Variants in SH3PXD2A observed in about 807,000 individuals in gnomAD.
SH3PXD2A encodes SH3 and PX domains 2A.
A neutral mutation model predicts 115.2 loss-of-function variants in SH3PXD2A; 32 were observed. The ratio of observed to expected loss-of-function variants is 0.28; its 90% CI spans 0.21 to 0.37. SH3PXD2A has a LOEUF of 0.37. Among genes scored for constraint, SH3PXD2A ranks in the 10% least tolerant of loss-of-function variants. SH3PXD2A has a pLI of 1.00. For synonymous variants in SH3PXD2A, 610 were observed against 629.1 expected (o/e 0.97, Z 0.45); for missense variants, 1,328 against 1,498.7 (o/e 0.89, Z 1.88).
At chr10:103,648,170 T>C (rs1449127620) in intron 8 of SH3PXD2A, among the ~76,000 whole-genome samples, 3 of 152,126 alleles carry the variant, frequency 2.0e-5, no homozygotes, top group African/African-American at 7.2e-5. Context: ...AGAAAGAGTA[T>C]GGAAAAACAG....
chr10:103,642,190 A>G (rs1033586817), intron 8 of SH3PXD2A, among the ~76,000 whole-genome samples: 6 of 151,848 alleles, frequency 4.0e-5, no homozygotes, highest in African/African-American at 1.5e-4. Context: ...TTTGCTAAGG[A>G]AACTTCAGAT....
chr10:103,723,127 G>C (rs1449294312), intron 5 of SH3PXD2A, among the ~76,000 whole-genome samples: 1 of 152,054 alleles, frequency 6.6e-6, no homozygotes, highest in African/African-American at 2.4e-5. Context: ...TCATCTTCAG[G>C]CTTTCTCCTC....
rs139961985 is a variant in SH3PXD2A at position 103,850,718 on chromosome 10, T to C, written c.72+4477A>G. 3.4e-3 allele frequency among the ~76,000 whole-genome samples: 512 copies of C among 152,300 alleles called. 1 individual carries two copies. The highest frequency in any genetic ancestry group is 9.9e-3 in the African/African-American group (411 of 41,550). Reference sequence around the variant, plus strand: ...CCTCTTGGAGGCTGGGTGTTTTCCATGGGGCGTGTAACCCACTTCCCCATC... The same window carrying C: ...CCTCTTGGAGGCTGGGTGTTTTCCACGGGGCGTGTAACCCACTTCCCCATC... On this transcript the variant is annotated intron_variant, in intron 1 of 14. Coordinates refer to ENST00000369774, the MANE Select transcript of SH3PXD2A (RefSeq NM_001394015.1).
intron 8 of SH3PXD2A, among the ~76,000 whole-genome samples, chr10:103,629,259 CGTG>C (rs1564848388): frequency 6.6e-6 from 1 of 152,066 alleles, no homozygotes; most frequent in Non-Finnish European, 1.5e-5. Flanking sequence ...CTGAGCAGCT[CGTG>C]GTGACAGGCA....
rs757932796 is a variant in SH3PXD2A at position 103,739,369 on chromosome 10, A to G, written c.230-3561T>C. Among the ~76,000 whole-genome samples, 44 of 152,198 alleles carry G rather than the reference A, an allele frequency of 2.9e-4. 1 individual carries two copies. Among genetic ancestry groups the G allele is most frequent in the Admixed American group, 2.0e-3 (31 of 15,286 alleles). ...TCCCAGCTGAGTTTTTGGAAGCCCA[A>G]TGGGGCTTCCCCCTTTCCCGCTGAA... On this transcript the variant is annotated intron_variant, in intron 3 of 14. Coordinates refer to ENST00000369774, the MANE Select transcript of SH3PXD2A (RefSeq NM_001394015.1).
At chr10:103,635,295 T>C (rs2036846988) in intron 8 of SH3PXD2A, among the ~76,000 whole-genome samples, 1 of 152,118 alleles carries the variant, frequency 6.6e-6, no homozygotes, top group Non-Finnish European at 1.5e-5. Flanking sequence ...GGAAGCAGGA[T>C]CTTTTGGGAG....
intron 1 of SH3PXD2A, among the ~76,000 whole-genome samples, chr10:103,843,002 T>G (rs1215018176): frequency 6.6e-6 from 1 of 152,082 alleles, no homozygotes; most frequent in Non-Finnish European, 1.5e-5. Flanking sequence ...AGATGAGAGG[T>G]CAGGGAAGCT....
chr10:103,688,023 C>T (rs7079298), intron 6 of SH3PXD2A, among the ~76,000 whole-genome samples: 95,647 of 151,906 alleles, frequency 0.63, 31,399 homozygotes, highest in South Asian at 0.83. Context: ...TCATCACCCA[C>T]AGCAGACTGC....
chr10:103,655,796 A>AAG (rs1267974035), intron 8 of SH3PXD2A, among the ~76,000 whole-genome samples: 1 of 150,256 alleles, frequency 6.7e-6, no homozygotes, highest in African/African-American at 2.5e-5. Flanking sequence ...AAAAAAAAAA[A>AAG]AGCAAGCAAA....
intron 8 of SH3PXD2A, among the ~76,000 whole-genome samples, chr10:103,632,304 T>A (rs1243334305): frequency 6.6e-6 from 1 of 152,214 alleles, no homozygotes; most frequent in Non-Finnish European, 1.5e-5. Context: ...CCCACGGGGC[T>A]CACTAGCTGA....
chr10:103,743,567 T>A (rs1290472334), intron 3 of SH3PXD2A, among the ~76,000 whole-genome samples: 1 of 147,670 alleles, frequency 6.8e-6, no homozygotes, highest in African/African-American at 2.4e-5. Flanking sequence ...GATGGGGTCT[T>A]GTTATGTTGC....
intron 5 of SH3PXD2A, among the ~76,000 whole-genome samples, chr10:103,697,524 AC>A (rs1437097530): frequency 1.3e-5 from 2 of 152,180 alleles, no homozygotes; most frequent in Non-Finnish European, 2.9e-5. Context: ...TGCCAGAACA[AC>A]CACTGGTCTC....
intron 2 of SH3PXD2A, among the ~76,000 whole-genome samples, chr10:103,787,270 A>G (rs1458653772): frequency 1.3e-5 from 2 of 152,160 alleles, no homozygotes; most frequent in Non-Finnish European, 2.9e-5. Flanking sequence ...GTTCTTGACT[A>G]CACAGCCAAG....
intron 6 of SH3PXD2A, among the ~76,000 whole-genome samples, chr10:103,680,842 A>C (rs2037599015): frequency 6.6e-6 from 1 of 152,206 alleles, no homozygotes; most frequent in Non-Finnish European, 1.5e-5. Context: ...ACCAATTCTA[A>C]AAATGCCACG....
chr10:103,854,465 T>C (rs1842922309), intron 1 of SH3PXD2A, among the ~76,000 whole-genome samples: 1 of 152,022 alleles, frequency 6.6e-6, no homozygotes, highest in Non-Finnish European at 1.5e-5. Context: ...TAACCCCTTC[T>C]CATTAAAGTT....
intron 8 of SH3PXD2A, among the ~76,000 whole-genome samples, chr10:103,645,579 C>T (rs984260851): frequency 1.3e-5 from 2 of 152,158 alleles, no homozygotes; most frequent in African/African-American, 4.8e-5. Flanking sequence ...TCTCCGCTTA[C>T]AGGAATGGAA....
At chr10:103,813,999 T>TAAAAAAAAAAAAA (rs781401560) in intron 1 of SH3PXD2A, among the ~76,000 whole-genome samples, 1 of 60,328 alleles carries the variant, frequency 1.7e-5, no homozygotes, top group Non-Finnish European at 3.3e-5. Context: ...CTGGACTAGC[T>TAAAAAAAAAAAAA]AAAAAAAAAA....
intron 6 of SH3PXD2A, chr10:103,678,259 A>G (rs1319743007): frequency 2.8e-6 from 2 of 715,718 alleles, no homozygotes; most frequent in East Asian, 1.3e-4. Context: ...GCGTGGGTCC[A>G]GACCAATCCC....
At chr10:103,637,472 G>A (rs1449244668) in intron 8 of SH3PXD2A, among the ~76,000 whole-genome samples, 1 of 152,144 alleles carries the variant, frequency 6.6e-6, no homozygotes, top group Non-Finnish European at 1.5e-5. Context: ...AAGGGTGCAT[G>A]GTGGAGCTAG....
Sources: allele counts gnomAD v4.1 joint callset (sites outside exome capture counted in the v4.1 genomes callset), GRCh38; gene constraint gnomAD v4.1.1; transcripts MANE v1.5; gene names NCBI Gene and HGNC (gene_info 2026-07-23, HGNC 2026-07-21).